TBCK: variants seen among roughly 807,000 people sequenced by gnomAD.
TBCK encodes the protein TBC1 domain containing kinase.
In TBCK, 99 loss-of-function variants were observed where a neutral mutation model predicts 113.4. That is an observed-to-expected ratio of 0.87 (90% confidence interval 0.74 to 1.03). The LOEUF (loss-of-function observed/expected upper bound fraction) is 1.03, where lower values mean the gene tolerates loss of function less well. TBCK is among the 50% of genes least tolerant of loss of function. The pLI is 0.00. For synonymous variants in TBCK, 369 were observed against 370.8 expected, an observed-to-expected ratio of 1.00 and a Z score of 0.05; for missense variants, 1,045 against 1,061.3, an observed-to-expected ratio of 0.98 and a Z score of 0.21.
chr4:106,237,944 A>G (rs1759658588), intron 12 of TBCK, among the ~76,000 whole-genome samples: 1 of 152,092 alleles, frequency 6.6e-6, no homozygotes, highest in Non-Finnish European at 1.5e-5. Context: ...GGATTTTTAA[A>G]AGGTGAATGA....
intron 22 of TBCK, among the ~76,000 whole-genome samples, chr4:106,185,790 C>T (rs758781841): frequency 3.9e-5 from 6 of 151,946 alleles, no homozygotes; most frequent in Admixed American, 1.3e-4. Flanking sequence ...GGGTAGGTTG[C>T]GTGCTGCAGA....
At chr4:106,292,205 G>A (rs577094000) in intron 3 of TBCK, among the ~76,000 whole-genome samples, 7 of 152,166 alleles carry the variant, frequency 4.6e-5, no homozygotes, top group South Asian at 4.2e-4. Flanking sequence ...CAGAAATGCC[G>A]GCTACCTGAA....
chr4:106,161,306 A>G (rs1371430737), intron 23 of TBCK, among the ~76,000 whole-genome samples: 1 of 152,202 alleles, frequency 6.6e-6, no homozygotes, highest in Non-Finnish European at 1.5e-5. Flanking sequence ...TCAGAAACCT[A>G]TATAAACTAT....
chr4:106,148,336 T>C (rs969619645), intron 23 of TBCK, among the ~76,000 whole-genome samples: 3 of 152,160 alleles, frequency 2.0e-5, no homozygotes, highest in African/African-American at 7.2e-5. Context: ...TTGCGGCTTG[T>C]GGGGCATCAC....
intron 24 of TBCK, among the ~76,000 whole-genome samples, chr4:106,101,309 A>C (rs1224493189): frequency 6.6e-6 from 1 of 152,168 alleles, no homozygotes; most frequent in African/African-American, 2.4e-5. Context: ...ATTGCTCAGC[A>C]GTTGCTATCA....
chr4:106,301,990 G>A (rs148959920), intron 2 of TBCK, among the ~76,000 whole-genome samples: 5 of 152,242 alleles, frequency 3.3e-5, no homozygotes, highest in African/African-American at 1.2e-4. Context: ...GAAATGACTA[G>A]AATGTTTTGG....
At chr4:106,236,542 TAAAA>T in intron 13 of TBCK, 23 bp from the exon 14 acceptor site, 1 of 1,219,460 alleles carries the variant, frequency 8.2e-7, no homozygotes, top group Non-Finnish European at 1.1e-6. Flanking sequence ...ACAAAAGCAA[TAAAA>T]AAAAAAAATG....
At position 106,235,288 on chromosome 4, in the gene TBCK, G is replaced by A. The variant is rs1759320128; in HGVS notation, c.1430C>T (p.Ala477Val). The A allele has an allele frequency of 6.2e-7, 1 of 1,606,648 alleles. No homozygotes were observed. Among genetic ancestry groups the A allele is most frequent in the Non-Finnish European group, 8.5e-7 (1 of 1,177,032 alleles). Residue 477 changes from alanine (A) to valine (V), a missense_variant, in exon 15 of 26, where the codon GCT (alanine) becomes GTT (valine). Coordinates refer to ENST00000394708, the MANE Select transcript of TBCK (RefSeq NM_001163435.3). ...CCTTACCTCAACTCCCAGAAGAGCA[G>A]CCCAGGTTAAACCTCTCATAAGAGG... ...IPPLMRGLTW[A>V]ALLGVEGAIH...
chr4:106,130,299 G>A (rs979902059), intron 23 of TBCK, among the ~76,000 whole-genome samples: 3 of 152,052 alleles, frequency 2.0e-5, no homozygotes, highest in African/African-American at 7.2e-5. Flanking sequence ...TCTATGGACA[G>A]TCACAGATTA....
rs574777253 is a variant in TBCK, at chr4:106,203,580, A to T, written c.1861-8826T>A. 5.9e-4 allele frequency among the ~76,000 whole-genome samples: 89 copies of T among 152,010 alleles called. 3 individuals carry two copies. The highest frequency in any genetic ancestry group is 1.7e-3 in the Admixed American group (26 of 15,272). ...AAACAAATAAAAAATAACTAACTGT[A>T]TAAACATACCTTTTATTATTTATTC... On this transcript the variant is annotated intron_variant, in intron 20 of 25. Coordinates refer to ENST00000394708, the MANE Select transcript of TBCK (RefSeq NM_001163435.3).
intron 12 of TBCK, among the ~76,000 whole-genome samples, chr4:106,241,810 C>T (rs1047220830): frequency 1.3e-5 from 2 of 151,416 alleles, no homozygotes; most frequent in Non-Finnish European, 3.0e-5. Context: ...ATAAAACATA[C>T]TTATAACCTT....
At chr4:106,074,075 G>A (rs1220110184) in intron 25 of TBCK, among the ~76,000 whole-genome samples, 2 of 152,202 alleles carry the variant, frequency 1.3e-5, no homozygotes, top group Admixed American at 6.5e-5. Context: ...TTTCCCAGGT[G>A]AGGCAATGCC....
intron 20 of TBCK, among the ~76,000 whole-genome samples, chr4:106,212,409 G>A (rs1018114672): frequency 2.0e-5 from 3 of 152,076 alleles, no homozygotes; most frequent in Non-Finnish European, 2.9e-5. Context: ...AAACACAGAA[G>A]TTACTTTCAC....
rs1463313966 is a variant in TBCK, at chr4:106,315,992, C to T, written c.-91G>A. 2 of 152,876 alleles carry T rather than the reference C, an allele frequency of 1.3e-5. No individual in the cohort carries two copies. Among genetic ancestry groups the T allele is most frequent in the African/African-American group, 4.8e-5 (2 of 41,408 alleles). 9.5% of individuals were successfully genotyped at this position (152,876 alleles called of 1,614,324 possible). On this transcript the variant is annotated 5_prime_UTR_variant, in exon 1 of 26. Coordinates refer to ENST00000394708, the MANE Select transcript of TBCK (RefSeq NM_001163435.3). ...GGGGGATGGAGCTTCTACACAGGGCCCCAGCGCTGTCGCTGTGGCTGCTGC... is the reference window on the plus strand; with the variant it reads ...GGGGGATGGAGCTTCTACACAGGGCTCCAGCGCTGTCGCTGTGGCTGCTGC...
chr4:106,091,410 T>G (rs1289596899), intron 25 of TBCK, among the ~76,000 whole-genome samples: 1 of 152,230 alleles, frequency 6.6e-6, no homozygotes, highest in African/African-American at 2.4e-5. Context: ...TGGTGGGTTC[T>G]TGGTCTCACT....
At chr4:106,075,203 GC>G (rs1267307522) in intron 25 of TBCK, among the ~76,000 whole-genome samples, 22 of 152,314 alleles carry the variant, frequency 1.4e-4, no homozygotes, top group African/African-American at 5.1e-4. Context: ...TAAAGTACAT[GC>G]AAGTAAATAT....
rs916042780 is a variant in TBCK at position 106,312,772 on chromosome 4, A to T, written c.-30+3159T>A. On this transcript the variant is annotated intron_variant, in intron 1 of 25. Coordinates refer to ENST00000394708, the MANE Select transcript of TBCK (RefSeq NM_001163435.3). ...TTAACAAAAATGGAACAAACATGTC[A>T]AAACATGGATATACTCAAAAACATA... Among the ~76,000 whole-genome samples the T allele has an allele frequency of 2.6e-5, 4 of 152,224 alleles. No individual in the cohort carries two copies. The South Asian group carries it at 6.2e-4, about 24-fold the overall frequency.
intron 23 of TBCK, among the ~76,000 whole-genome samples, chr4:106,164,674 G>T (rs575229411): frequency 6.6e-6 from 1 of 151,722 alleles, no homozygotes; most frequent in South Asian, 2.1e-4. Context: ...GATTTGTTTA[G>T]GGGGAGATAA....
chr4:106,077,516 T>C (rs1015658008), intron 25 of TBCK, among the ~76,000 whole-genome samples: 5 of 152,176 alleles, frequency 3.3e-5, no homozygotes, highest in African/African-American at 1.2e-4. Flanking sequence ...GGGGTTGCTA[T>C]TCTTATACCA....
Sources: gnomAD v4.1 joint callset for allele counts (sites outside exome capture counted in the v4.1 genomes callset) on GRCh38, gnomAD v4.1.1 for gene constraint, MANE v1.5 for transcripts, NCBI Gene and HGNC (gene_info 2026-07-23, HGNC 2026-07-21) for gene names.